Variants in SUCLG2 observed in about 807,000 individuals in gnomAD.
SUCLG2 encodes succinate--CoA ligase [GDP-forming] subunit beta, mitochondrial.
In SUCLG2, 42 loss-of-function variants were observed where a neutral mutation model predicts 47.9. That is an observed-to-expected ratio of 0.88 (90% confidence interval 0.69 to 1.14). The LOEUF (loss-of-function observed/expected upper bound fraction) is 1.14. Among genes scored for constraint, SUCLG2 ranks in the 50% most tolerant of loss-of-function variants. SUCLG2 has a pLI of 0.00. For synonymous variants in SUCLG2, 195 were observed against 197.3 expected, an observed-to-expected ratio of 0.99 and a Z score of 0.10; for missense variants, 571 against 525.9, an observed-to-expected ratio of 1.09 and a Z score of -0.84.
chr3:67,396,239 T>A (rs1702525961), intron 10 of SUCLG2, among the ~76,000 whole-genome samples: 1 of 152,074 alleles, frequency 6.6e-6, no homozygotes, highest in Non-Finnish European at 1.5e-5. Flanking sequence ...AGGAGCTGGT[T>A]TTTTGAAAGG....
At chr3:67,617,928 T>G (rs771267435) in intron 1 of SUCLG2, among the ~76,000 whole-genome samples, 2 of 152,160 alleles carry the variant, frequency 1.3e-5, no homozygotes, top group Non-Finnish European at 2.9e-5. Context: ...AAGATAAAAA[T>G]AGTAGGTGAT....
chr3:67,577,321 A>T (rs1386862237), intron 2 of SUCLG2, among the ~76,000 whole-genome samples: 1 of 151,976 alleles, frequency 6.6e-6, no homozygotes, highest in African/African-American at 2.4e-5. Flanking sequence ...ACAAAAAAAA[A>T]AGTTAAGTGC....
intron 4 of SUCLG2, among the ~76,000 whole-genome samples, chr3:67,521,176 T>A (rs1706092056): frequency 6.6e-6 from 1 of 152,234 alleles, no homozygotes; most frequent in African/African-American, 2.4e-5. Flanking sequence ...TCAAAAATAA[T>A]GCAAACGATA....
intron 2 of SUCLG2, among the ~76,000 whole-genome samples, chr3:67,581,357 A>G (rs1377525197): frequency 6.6e-6 from 1 of 152,230 alleles, no homozygotes; most frequent in Non-Finnish European, 1.5e-5. Context: ...TATGGTCAAC[A>G]TAATGGGGCT....
chr3:67,360,576 TATTC>T, exon 11 of SUCLG2: 2 of 1,437,906 alleles, frequency 1.4e-6, no homozygotes, highest in Non-Finnish European at 1.8e-6. Context: ...TTTGTGATGA[TATTC>T]ATTAATTTGG....
intron 1 of SUCLG2, among the ~76,000 whole-genome samples, chr3:67,654,245 C>G (rs1051385705): frequency 5.3e-5 from 8 of 152,254 alleles, no homozygotes; most frequent in African/African-American, 1.4e-4. Context: ...TGAGTCTGCG[C>G]GGGCAGACAG....
chr3:67,393,509 A>G lies in SUCLG2; in HGVS notation c.1183+7222T>C, dbSNP rs1044017447. ...GGCCCAGGCTTGCTTACGTAAACAA[A>G]GCAGCCAGGAAGCTCGAACTGGGTG... On this transcript the variant is annotated intron_variant, in intron 10 of 10. Transcript: ENST00000307227. Among the ~76,000 whole-genome samples, 128 of 152,340 alleles carry G rather than the reference A, an allele frequency of 8.4e-4. 1 individual carries two copies. Among genetic ancestry groups the G allele is most frequent in the Non-Finnish European group, 7.3e-5 (5 of 68,032 alleles).
chr3:67,584,886 G>A (rs1031974187), intron 2 of SUCLG2, among the ~76,000 whole-genome samples: 8 of 152,056 alleles, frequency 5.3e-5, no homozygotes, highest in African/African-American at 1.7e-4. Flanking sequence ...CAGCATGAGG[G>A]TAACTGCCCC....
At chr3:67,402,919 C>A (rs1702720128) in intron 9 of SUCLG2, among the ~76,000 whole-genome samples, 1 of 152,148 alleles carries the variant, frequency 6.6e-6, no homozygotes, top group Non-Finnish European at 1.5e-5. Context: ...TTCACCTAAA[C>A]AGGCAGGAGT....
chr3:67,397,511 A>G (rs1702573516), intron 10 of SUCLG2, among the ~76,000 whole-genome samples: 1 of 152,236 alleles, frequency 6.6e-6, no homozygotes, highest in East Asian at 1.9e-4. Context: ...TGCTCAATGA[A>G]ATAAAAGATG....
At chr3:67,607,942 T>C (rs1041976554) in intron 2 of SUCLG2, among the ~76,000 whole-genome samples, 1 of 152,210 alleles carries the variant, frequency 6.6e-6, no homozygotes, top group African/African-American at 2.4e-5. Context: ...TAAATCTCTT[T>C]CCTTTATAAA....
chr3:67,630,360 A>T (rs191718976), intron 1 of SUCLG2, among the ~76,000 whole-genome samples: 58 of 152,372 alleles, frequency 3.8e-4, no homozygotes, highest in African/African-American at 1.3e-3. Flanking sequence ...TTAAATACTG[A>T]TGGTCAAGGA....
At chr3:67,601,928 G>C (rs1020698035) in intron 2 of SUCLG2, among the ~76,000 whole-genome samples, 1 of 152,004 alleles carries the variant, frequency 6.6e-6, no homozygotes, top group Non-Finnish European at 1.5e-5. Context: ...ATTGCAGTGA[G>C]CTAAGATCGC....
intron 9 of SUCLG2, among the ~76,000 whole-genome samples, chr3:67,439,453 T>C (rs1232397257): frequency 6.6e-6 from 1 of 152,222 alleles, no homozygotes; most frequent in Non-Finnish European, 1.5e-5. Context: ...TGTCTCTGTT[T>C]GCATATGACA....
At chr3:67,470,042 T>C (rs1704566344) in intron 9 of SUCLG2, among the ~76,000 whole-genome samples, 1 of 117,054 alleles carries the variant, frequency 8.5e-6, no homozygotes, top group Admixed American at 9.0e-5. Flanking sequence ...TGAAACTCCA[T>C]ATCAAAAAAA....
intron 10 of SUCLG2, among the ~76,000 whole-genome samples, chr3:67,399,060 T>C (rs993584908): frequency 4.7e-5 from 7 of 149,040 alleles, no homozygotes; most frequent in African/African-American, 1.7e-4. Context: ...TTAGGAGATA[T>C]ACCTAATGCT....
At chr3:67,481,696 G>C (rs755529625) in intron 9 of SUCLG2, among the ~76,000 whole-genome samples, 25 of 152,140 alleles carry the variant, frequency 1.6e-4, no homozygotes, top group Non-Finnish European at 3.1e-4. Context: ...GGTTTTTATT[G>C]AGCCTTAAAA....
At chr3:67,577,012 A>G (rs1707758453) in intron 2 of SUCLG2, among the ~76,000 whole-genome samples, 6 of 152,178 alleles carry the variant, frequency 3.9e-5, no homozygotes. Flanking sequence ...TGGTCTAAGG[A>G]AAGAATTAAG....
intron 2 of SUCLG2, among the ~76,000 whole-genome samples, chr3:67,530,126 G>A (rs1035680366): frequency 1.3e-5 from 2 of 152,102 alleles, no homozygotes; most frequent in Non-Finnish European, 2.9e-5. Context: ...TCCCCTATAA[G>A]GCCATGAGAG....
Sources: allele counts gnomAD v4.1 joint callset (sites outside exome capture counted in the v4.1 genomes callset), GRCh38; gene constraint gnomAD v4.1.1; transcripts MANE v1.5; gene names NCBI Gene and HGNC (gene_info 2026-07-23, HGNC 2026-07-21).